BICRA: variants seen among roughly 807,000 people sequenced by gnomAD.
BICRA encodes the protein BRD4-interacting chromatin-remodeling complex-associated protein.
Under a neutral mutation model 96.9 loss-of-function variants are expected in BICRA, and 31 were observed. The observed-to-expected ratio is 0.32, with a 90% confidence interval of 0.24 to 0.43. The LOEUF is 0.43. BICRA is among the 20% of genes least tolerant of loss of function. The pLI is 1.00. For synonymous variants in BICRA, 1,350 were observed against 1,071.8 expected, an observed-to-expected ratio of 1.26 and a Z score of -5.07; for missense variants, 2,283 against 2,190.3, an observed-to-expected ratio of 1.04 and a Z score of -0.84.
At chr19:47,683,148 A>C (rs1158132718) in intron 7 of BICRA, among the ~76,000 whole-genome samples, 1 of 152,188 alleles carries the variant, frequency 6.6e-6, no homozygotes, top group Non-Finnish European at 1.5e-5. Context: ...TAAGTTCTTC[A>C]AAAGGAATTT....
intron 1 of BICRA, among the ~76,000 whole-genome samples, chr19:47,661,417 C>T (rs930731955): frequency 4.0e-5 from 6 of 151,624 alleles, no homozygotes; most frequent in African/African-American, 9.7e-5. Context: ...CAGGTCCAGT[C>T]GGTGGCCAGC....
In BICRA at chr19:47,679,569, C is replaced by T. The variant is rs1453250859; in HGVS notation, c.399C>T (p.Thr133=). 2 of 1,543,976 alleles carry T rather than the reference C, an allele frequency of 1.3e-6. No individual in the cohort carries two copies. The highest frequency in any genetic ancestry group is 2.0e-5 in the Admixed American group (1 of 50,142). ...ELDLGPFQLP[T]LQPADGGAGP... ...ACCTGGGTCCCTTCCAGCTGCCCAC[C>T]CTGCAGCCTGCGGATGGCGGGGCAG... is the stretch of plus-strand genomic sequence containing the variant. Residue 133 remains threonine, a synonymous_variant, in exon 6 of 15, where the codon ACC becomes ACT. Transcript: ENST00000594866.
intron 1 of BICRA, among the ~76,000 whole-genome samples, chr19:47,666,160 C>T (rs1010217571): frequency 2.6e-5 from 4 of 152,310 alleles, no homozygotes; most frequent in Admixed American, 6.5e-5. Flanking sequence ...TTAGGGTACA[C>T]GGCTGGGAAC....
At chr19:47,647,620 C>T (rs1277928768) in intron 1 of BICRA, among the ~76,000 whole-genome samples, 2 of 152,190 alleles carry the variant, frequency 1.3e-5, no homozygotes, top group Middle Eastern at 3.4e-3. Flanking sequence ...CTCCTTGGCA[C>T]GTGTGTGTGG....
At chr19:47,656,985 C>T (rs1368120891) in intron 1 of BICRA, among the ~76,000 whole-genome samples, 2 of 152,054 alleles carry the variant, frequency 1.3e-5, no homozygotes, top group Non-Finnish European at 2.9e-5. Context: ...CCTCAGCCTC[C>T]CGAGTAGCTG....
At chr19:47,674,120 G>A (rs1460341637) in intron 4 of BICRA, among the ~76,000 whole-genome samples, 1 of 152,208 alleles carries the variant, frequency 6.6e-6, no homozygotes, top group South Asian at 2.1e-4. Context: ...CACGAGGGAG[G>A]TAACATTGAA....
At chr19:47,685,778 TGTGTGTGTGCGC>T (rs1443074444) in intron 7 of BICRA, among the ~76,000 whole-genome samples, 42 of 131,724 alleles carry the variant, frequency 3.2e-4, no homozygotes, top group African/African-American at 1.1e-3. Context: ...TGTGTGTGTG[TGTGTGTGTGCGC>T]GCGCGCGCGC....
Position 47,679,313 on chromosome 19 carries a change from G to A in BICRA, c.151-8G>A, listed in dbSNP as rs1329593252. On this transcript the variant is annotated splice_region_variant and splice_polypyrimidine_tract_variant and intron_variant, in intron 5 of 14. Transcript: ENST00000594866. ...AGCTCTTTCCTTCCCACCTTTCCCG[G>A]CCTGCAGCTCCATGTGCAAGAAGCT... 2.8e-6 allele frequency: 4 copies of A among 1,420,718 alleles called. No homozygotes were observed. Among genetic ancestry groups the A allele is most frequent in the African/African-American group, 3.0e-5 (2 of 66,908 alleles). 88.0% of individuals were successfully genotyped at this position (1,420,718 alleles called of 1,614,324 possible). A position where few individuals can be genotyped will look rare whatever the true frequency, so the allele number is the denominator to read the frequency against.
intron 1 of BICRA, among the ~76,000 whole-genome samples, chr19:47,630,262 G>A (rs1026761024): frequency 3.4e-4 from 50 of 148,556 alleles, no homozygotes; most frequent in African/African-American, 1.2e-3. Flanking sequence ...CTGGGTTCAC[G>A]CCATTCTCCT....
intron 1 of BICRA, among the ~76,000 whole-genome samples, chr19:47,613,387 T>C (rs2123502133): frequency 6.6e-6 from 1 of 152,212 alleles, no homozygotes; most frequent in South Asian, 2.1e-4. Context: ...AAACATGGCA[T>C]TCCTTTCCAG....
At chr19:47,628,278 G>GA (rs1255968135) in intron 1 of BICRA, among the ~76,000 whole-genome samples, 1 of 152,308 alleles carries the variant, frequency 6.6e-6, no homozygotes, top group Non-Finnish European at 1.5e-5. Context: ...GTTCCTGGGG[G>GA]ATCCTGTTAC....
In BICRA at chr19:47,680,974, C is replaced by G; in HGVS notation, c.1804C>G (p.Leu602Val). ...GGCCATGCTCAACACCCCCGACGGC[C>G]TGGTGCAGCCGGCCACCCCTGCCGC... Reference protein sequence around the residue: ...AVAMLNTPDGLVQPATPAAAT... With the variant: ...AVAMLNTPDGVVQPATPAAAT... The change falls in exon 6 of 15, where the codon CTG (leucine) becomes GTG (valine). Residue 602 changes from leucine to valine, a missense_variant. Leu to Val is a conservative substitution (Grantham distance 32). Coordinates refer to ENST00000594866, the MANE Select transcript of BICRA (RefSeq NM_001394372.1). 1 of 1,470,884 alleles carries G rather than the reference C, an allele frequency of 6.8e-7. No individual in the cohort carries two copies. Among genetic ancestry groups the G allele is most frequent in the Non-Finnish European group, 8.9e-7 (1 of 1,120,538 alleles). The allele number at this position is 1,470,884 out of a possible 1,614,324, so 91.1% of individuals were successfully genotyped here. A position where few individuals can be genotyped will look rare whatever the true frequency, so the allele number is the denominator to read the frequency against.
At chr19:47,613,772 G>A (rs73940902) in intron 1 of BICRA, among the ~76,000 whole-genome samples, 5,121 of 151,912 alleles carry the variant, frequency 0.034, 257 homozygotes, top group African/African-American at 0.11. Flanking sequence ...ATTCTCCTCT[G>A]CCTGGAGTAC....
At chr19:47,684,537 C>G (rs1333974134) in intron 7 of BICRA, among the ~76,000 whole-genome samples, 1 of 152,154 alleles carries the variant, frequency 6.6e-6, no homozygotes, top group Non-Finnish European at 1.5e-5. Context: ...CCAGGCTGGT[C>G]TCAAACTCCT....
chr19:47,649,411 C>A (rs1972510412), intron 1 of BICRA, among the ~76,000 whole-genome samples: 1 of 152,144 alleles, frequency 6.6e-6, no homozygotes, highest in Non-Finnish European at 1.5e-5. Context: ...TCAACACAAT[C>A]AGAAATTCAA....
rs1395595593 is a variant in BICRA at position 47,656,108 on chromosome 19, A to ACACACG, written c.-107-14332_-107-14331insACGCAC. On this transcript the variant is annotated intron_variant, in intron 1 of 14. Coordinates refer to ENST00000594866, the MANE Select transcript of BICRA (RefSeq NM_001394372.1). The stretch of plus-strand genomic sequence containing the variant: ...CACACACACACACACACACACACAC[A>ACACACG]CACTCTGAATAAATAAGTAAATTTT... Among the ~76,000 whole-genome samples the ACACACG allele has an allele frequency of 2.3e-5, 3 of 129,090 alleles. No homozygotes were observed. The South Asian group carries it at 8.5e-4, about 37-fold the overall frequency. The allele number at this position is 129,090 out of a possible 152,430, so 84.7% of individuals were successfully genotyped here.
In BICRA at chr19:47,661,328, A is replaced by G. The variant is rs556589843; in HGVS notation, c.-107-9115A>G. On this transcript the variant is annotated intron_variant, in intron 1 of 14. Transcript: ENST00000594866. ...CCAAGGGCTCATGGGACAGAATCTG[A>G]CCCATCAAATGCCCAGACTCCCAAA... Among the ~76,000 whole-genome samples, 73 of 152,142 alleles carry G rather than the reference A, an allele frequency of 4.8e-4. 1 individual carries two copies. The highest frequency in any genetic ancestry group is 2.5e-3 in the South Asian group (12 of 4,826).
intron 1 of BICRA, among the ~76,000 whole-genome samples, chr19:47,610,604 TG>T (rs1317101598): frequency 3.6e-5 from 2 of 55,392 alleles, no homozygotes; most frequent in Admixed American, 1.7e-4. Context: ...CGTCCCCTTT[TG>T]TCACCCCCCC....
intron 1 of BICRA, among the ~76,000 whole-genome samples, chr19:47,666,603 A>T (rs1387780852): frequency 2.2e-5 from 3 of 134,476 alleles, no homozygotes; most frequent in Non-Finnish European, 4.8e-5. Context: ...ATGGAGTCTC[A>T]CTCTGTCGCC....
Sources: gnomAD v4.1 joint callset for allele counts (sites outside exome capture counted in the v4.1 genomes callset) on GRCh38, gnomAD v4.1.1 for gene constraint, MANE v1.5 for transcripts, NCBI Gene and HGNC (gene_info 2026-07-23, HGNC 2026-07-21) for gene names.